Variants in NSMCE2 observed in about 807,000 individuals in gnomAD.
NSMCE2 encodes the protein E3 SUMO-protein ligase NSE2.
A neutral mutation model predicts 23.8 loss-of-function variants in NSMCE2; 24 were observed. The ratio of observed to expected loss-of-function variants is 1.01; its 90% CI spans 0.73 to 1.42. The LOEUF is 1.42. Among genes scored for constraint, NSMCE2 ranks in the 40% most tolerant of loss-of-function variants. NSMCE2 has a pLI of 0.00. For synonymous variants in NSMCE2, 92 were observed against 94.1 expected (o/e 0.98, Z 0.13); for missense variants, 284 against 296.5 (o/e 0.96, Z 0.31).
chr8:125,133,799 A>T (rs1267682999), intron 3 of NSMCE2, among the ~76,000 whole-genome samples: 3 of 152,288 alleles, frequency 2.0e-5, no homozygotes, highest in Non-Finnish European at 4.4e-5. Context: ...AAAGAAAAAG[A>T]AAAAAGAAAT....
chr8:125,234,594 C>T (rs951183857), intron 5 of NSMCE2, among the ~76,000 whole-genome samples: 3 of 152,114 alleles, frequency 2.0e-5, no homozygotes, highest in African/African-American at 7.2e-5. Flanking sequence ...CATGTTTTGT[C>T]TCATTCTATA....
intron 5 of NSMCE2, among the ~76,000 whole-genome samples, chr8:125,319,187 C>G (rs1829326790): frequency 6.6e-6 from 1 of 152,154 alleles, no homozygotes; most frequent in Admixed American, 6.5e-5. Flanking sequence ...CTCTGGTCAT[C>G]CTGAGCACAA....
At chr8:125,296,246 T>G (rs2131179832) in intron 5 of NSMCE2, among the ~76,000 whole-genome samples, 1 of 152,272 alleles carries the variant, frequency 6.6e-6, no homozygotes, top group Middle Eastern at 3.4e-3. Flanking sequence ...CTCCCAACAC[T>G]CACTTCTGCT....
At chr8:125,268,409 T>C (rs1158109353) in intron 5 of NSMCE2, among the ~76,000 whole-genome samples, 2 of 152,098 alleles carry the variant, frequency 1.3e-5, no homozygotes, top group African/African-American at 4.8e-5. Flanking sequence ...CCCAAGGTTT[T>C]ATCATGGGCT....
chr8:125,366,350 C>A (rs963900490), intron 7 of NSMCE2, among the ~76,000 whole-genome samples: 1 of 152,148 alleles, frequency 6.6e-6, no homozygotes, highest in African/African-American at 2.4e-5. Context: ...ACCATCCTGG[C>A]TAACACGGTG....
intron 5 of NSMCE2, among the ~76,000 whole-genome samples, chr8:125,183,066 T>G (rs926126567): frequency 6.6e-6 from 1 of 152,224 alleles, no homozygotes; most frequent in African/African-American, 2.4e-5. Flanking sequence ...AAGTGAATAG[T>G]GAAGCAAATA....
chr8:125,283,925 G>A (rs1430373424), intron 5 of NSMCE2, among the ~76,000 whole-genome samples: 2 of 152,136 alleles, frequency 1.3e-5, no homozygotes, highest in Non-Finnish European at 2.9e-5. Context: ...AGGCCAAGGT[G>A]GGCAGATCAC....
At chr8:125,238,788 A>G (rs1563737145) in intron 5 of NSMCE2, among the ~76,000 whole-genome samples, 1 of 152,234 alleles carries the variant, frequency 6.6e-6, no homozygotes. Flanking sequence ...TATTTTTTAC[A>G]AACTTCCTTA....
intron 3 of NSMCE2, among the ~76,000 whole-genome samples, chr8:125,128,003 G>A (rs1433102853): frequency 2.0e-5 from 3 of 152,280 alleles, no homozygotes; most frequent in South Asian, 2.1e-4. Context: ...GGATTTTGGA[G>A]CATTGAAGAT....
intron 5 of NSMCE2, among the ~76,000 whole-genome samples, chr8:125,246,623 A>G (rs1051749757): frequency 4.6e-5 from 7 of 152,252 alleles, no homozygotes; most frequent in African/African-American, 1.7e-4. Flanking sequence ...CAATACTGTC[A>G]AACTTTGAAG....
chr8:125,264,266 T>C (rs1277256533), intron 5 of NSMCE2, among the ~76,000 whole-genome samples: 1 of 152,212 alleles, frequency 6.6e-6, no homozygotes, highest in African/African-American at 2.4e-5. Flanking sequence ...ATTTTTGAGT[T>C]TGTACTTCAT....
chr8:125,132,420 G>T (rs558991524), intron 3 of NSMCE2, among the ~76,000 whole-genome samples: 1 of 152,082 alleles, frequency 6.6e-6, no homozygotes, highest in African/African-American at 2.4e-5. Flanking sequence ...TCTCTAGGAA[G>T]CAGTGTGATA....
At chr8:125,193,925 T>A (rs1823479267) in intron 5 of NSMCE2, among the ~76,000 whole-genome samples, 1 of 152,216 alleles carries the variant, frequency 6.6e-6, no homozygotes, top group African/African-American at 2.4e-5. Flanking sequence ...CGTTGATTTA[T>A]TTGCCAGGTC....
intron 3 of NSMCE2, chr8:125,124,347 G>T (rs1819412503): frequency 6.6e-6 from 1 of 152,038 alleles, no homozygotes; most frequent in African/African-American, 2.4e-5. Flanking sequence ...CTTTTGGATT[G>T]TTTATTGCAA....
At chr8:125,231,138 A>G (rs1363144014) in intron 5 of NSMCE2, among the ~76,000 whole-genome samples, 3 of 152,238 alleles carry the variant, frequency 2.0e-5, no homozygotes, top group Non-Finnish European at 2.9e-5. Context: ...TAACTGTAGA[A>G]TAAACCTTAC....
intron 5 of NSMCE2, among the ~76,000 whole-genome samples, chr8:125,206,027 A>C (rs1279931484): frequency 6.6e-6 from 1 of 152,228 alleles, no homozygotes; most frequent in Non-Finnish European, 1.5e-5. Context: ...TTCAACAAGA[A>C]ACTTGGGAAA....
chr8:125,327,285 A>C (rs888782729), intron 5 of NSMCE2, among the ~76,000 whole-genome samples: 1 of 142,594 alleles, frequency 7.0e-6, no homozygotes, highest in Non-Finnish European at 1.5e-5. Context: ...AAAAAAAAAA[A>C]AGAGAGAGAA....
intron 5 of NSMCE2, among the ~76,000 whole-genome samples, chr8:125,266,201 C>T (rs1826910825): frequency 6.6e-6 from 1 of 151,438 alleles, no homozygotes; most frequent in African/African-American, 2.4e-5. Context: ...AAGAGATTCT[C>T]CTGCCTCGGC....
chr8:125,104,863 A>G lies in NSMCE2; in HGVS notation c.157+2376A>G, dbSNP rs913576432. ...GCCAACCTGACGAAACCCTGTCTCTACTAAAAAACAAAAATTAGGCATGGT... is the reference window on the plus strand; with the variant it reads ...GCCAACCTGACGAAACCCTGTCTCTGCTAAAAAACAAAAATTAGGCATGGT... On this transcript the variant is annotated intron_variant, in intron 3 of 7. Transcript: ENST00000287437. Among the ~76,000 whole-genome samples, 6 of 152,304 alleles carry G rather than the reference A, an allele frequency of 3.9e-5. No homozygotes were observed. The East Asian group carries it at 9.7e-4, about 25-fold the overall frequency.
Sources: allele counts gnomAD v4.1 joint callset (sites outside exome capture counted in the v4.1 genomes callset), GRCh38; gene constraint gnomAD v4.1.1; transcripts MANE v1.5; gene names NCBI Gene and HGNC (gene_info 2026-07-23, HGNC 2026-07-21).